The following LRRTM4 variants were observed in gnomAD, a reference collection of about 807,000 sequenced individuals.
LRRTM4 encodes the protein leucine-rich repeat transmembrane neuronal protein 4.
Under a neutral mutation model 47.6 loss-of-function variants are expected in LRRTM4, and 25 were observed. That is an observed-to-expected ratio of 0.53 (90% confidence interval 0.38 to 0.73). The LOEUF is 0.73. Ranked by LOEUF, LRRTM4 falls within the 30% of genes least tolerant of loss-of-function variation. The pLI is 0.00. For synonymous variants in LRRTM4, 311 were observed against 269.5 expected (o/e 1.15, Z -1.51); for missense variants, 638 against 713.4 (o/e 0.89, Z 1.20).
At chr2:76,831,380 C>T (rs550060631) in intron 3 of LRRTM4, among the ~76,000 whole-genome samples, 2 of 152,168 alleles carry the variant, frequency 1.3e-5, no homozygotes, top group African/African-American at 2.4e-5. Context: ...AACATGTCTC[C>T]ATGGACATCA....
chr2:76,793,306 A>C (rs1021908219), intron 3 of LRRTM4, among the ~76,000 whole-genome samples: 1 of 152,156 alleles, frequency 6.6e-6, no homozygotes, highest in Non-Finnish European at 1.5e-5. Context: ...TGGGTTAGCA[A>C]ACAAATGCCT....
chr2:76,820,542 T>C (rs1671024193), intron 3 of LRRTM4, among the ~76,000 whole-genome samples: 1 of 151,754 alleles, frequency 6.6e-6, no homozygotes, highest in Non-Finnish European at 1.5e-5. Context: ...CTAGAAGAAA[T>C]TTGCGATAAA....
At chr2:77,486,129 A>T (rs1013958912) in intron 3 of LRRTM4, among the ~76,000 whole-genome samples, 1 of 152,196 alleles carries the variant, frequency 6.6e-6, no homozygotes, top group Non-Finnish European at 1.5e-5. Flanking sequence ...CTTCTACAAT[A>T]AGCCATAAAG....
chr2:77,239,565 A>G (rs190791782), intron 3 of LRRTM4, among the ~76,000 whole-genome samples: 1 of 152,064 alleles, frequency 6.6e-6, no homozygotes, highest in East Asian at 1.9e-4. Context: ...ATGAAGTTAT[A>G]GATAGGTTCA....
intron 3 of LRRTM4, among the ~76,000 whole-genome samples, chr2:76,775,829 C>T (rs1196874410): frequency 6.6e-6 from 1 of 151,930 alleles, no homozygotes; most frequent in East Asian, 1.9e-4. Flanking sequence ...CATATGTATA[C>T]ATGTGCCATG....
intron 3 of LRRTM4, among the ~76,000 whole-genome samples, chr2:77,341,701 A>T (rs2104276800): frequency 6.6e-6 from 1 of 152,144 alleles, no homozygotes; most frequent in East Asian, 1.9e-4. Context: ...TTCTATGGTA[A>T]AATAATTTCT....
chr2:76,979,155 A>G (rs188399158), intron 3 of LRRTM4, among the ~76,000 whole-genome samples: 142 of 152,172 alleles, frequency 9.3e-4, no homozygotes, highest in African/African-American at 3.3e-3. Context: ...GCATTATCAG[A>G]CATGCATAGG....
At chr2:77,015,393 G>C (rs951037174) in intron 3 of LRRTM4, among the ~76,000 whole-genome samples, 3 of 152,022 alleles carry the variant, frequency 2.0e-5, no homozygotes, top group Non-Finnish European at 4.4e-5. Context: ...CTAGAGTGCA[G>C]TGGTGCGATC....
chr2:77,030,171 G>A (rs915906051), intron 3 of LRRTM4, among the ~76,000 whole-genome samples: 5 of 152,172 alleles, frequency 3.3e-5, no homozygotes, highest in African/African-American at 1.2e-4. Context: ...GGTGGCTCAC[G>A]CCTGTAATCC....
chr2:77,400,716 C>T (rs1194304861), intron 3 of LRRTM4, among the ~76,000 whole-genome samples: 1 of 151,780 alleles, frequency 6.6e-6, no homozygotes, highest in East Asian at 1.9e-4. Flanking sequence ...TCTTTAATCT[C>T]TTTGCTCTCT....
chr2:76,942,079 T>C (rs1411084573), intron 3 of LRRTM4, among the ~76,000 whole-genome samples: 1 of 152,234 alleles, frequency 6.6e-6, no homozygotes, highest in Non-Finnish European at 1.5e-5. Context: ...ATGAGCTTTG[T>C]TTCATCTGTT....
At chr2:76,842,184 T>A (rs1671703692) in intron 3 of LRRTM4, among the ~76,000 whole-genome samples, 1 of 152,130 alleles carries the variant, frequency 6.6e-6, no homozygotes. Context: ...CTCTGCCTGA[T>A]TGCTTGGGCT....
chr2:76,840,966 A>G (rs181780364), intron 3 of LRRTM4, among the ~76,000 whole-genome samples: 11,790 of 151,568 alleles, frequency 0.078, 441 homozygotes, highest in Middle Eastern at 0.15. Context: ...CTATAAAGAC[A>G]CATGCACACG....
intron 3 of LRRTM4, chr2:76,986,051 T>G (rs543804405): frequency 6.6e-6 from 1 of 152,162 alleles, no homozygotes; most frequent in Non-Finnish European, 1.5e-5. Context: ...TTTTATCATG[T>G]GCTTTGCCAT....
chr2:76,815,738 A>C (rs1184520101), intron 3 of LRRTM4, among the ~76,000 whole-genome samples: 1 of 152,116 alleles, frequency 6.6e-6, no homozygotes, highest in Admixed American at 6.6e-5. Flanking sequence ...AGAAAAACTG[A>C]TTTTGCAGGT....
At chr2:76,749,976 T>A (rs1672792909) in intron 3 of LRRTM4, among the ~76,000 whole-genome samples, 1 of 152,154 alleles carries the variant, frequency 6.6e-6, no homozygotes, top group Non-Finnish European at 1.5e-5. Context: ...TTCCCTTCTG[T>A]GGTTGCTTTT....
At chr2:77,097,260 A>C (rs1366170505) in intron 3 of LRRTM4, among the ~76,000 whole-genome samples, 1 of 151,946 alleles carries the variant, frequency 6.6e-6, no homozygotes, top group African/African-American at 2.4e-5. Context: ...ATTCAGACAA[A>C]AGCTACTGAC....
intron 3 of LRRTM4, among the ~76,000 whole-genome samples, chr2:76,786,402 TTTTTTAACAGTA>T (rs1674673676): frequency 6.6e-6 from 1 of 152,062 alleles, no homozygotes. Flanking sequence ...CTCCTAACAT[TTTTTTAACAGTA>T]TTTTTATCTT....
intron 3 of LRRTM4, among the ~76,000 whole-genome samples, chr2:77,231,022 T>A (rs533046116): frequency 6.6e-6 from 1 of 152,226 alleles, no homozygotes; most frequent in East Asian, 1.9e-4. Flanking sequence ...TGCAGATAAG[T>A]ATTTTCCAAA....
Sources: gnomAD v4.1 joint callset for allele counts (sites outside exome capture counted in the v4.1 genomes callset) on GRCh38, gnomAD v4.1.1 for gene constraint, MANE v1.5 for transcripts, NCBI Gene and HGNC (gene_info 2026-07-23, HGNC 2026-07-21) for gene names.